LRRK1: variants seen among roughly 807,000 people sequenced by gnomAD.
The protein encoded by LRRK1 is leucine rich repeat kinase 1, also known as leucine-rich repeat serine/threonine-protein kinase 1.
A neutral mutation model predicts 209.1 loss-of-function variants in LRRK1; 113 were observed. The observed-to-expected ratio is 0.54, with a 90% CI of 0.46 to 0.63. The LOEUF is 0.63. Among genes scored for constraint, LRRK1 ranks in the 30% least tolerant of loss-of-function variants. LRRK1 has a pLI of 0.00. For missense variants in LRRK1, 2,284 were observed against 2,632.2 expected, an observed-to-expected ratio of 0.87 and a Z score of 2.89; for synonymous variants, 1,144 against 1,099.7, an observed-to-expected ratio of 1.04 and a Z score of -0.80.
chr15:101,066,255 G>T (rs1470007344), intron 32 of LRRK1, 50 bp downstream of exon 32: 1 of 1,553,476 alleles, frequency 6.4e-7, no homozygotes, highest in East Asian at 2.3e-5. Context: ...CACTGCTCCT[G>T]CTCTGGGGAC....
In LRRK1 at chr15:101,076,055, C is replaced by T. The variant is rs577057981; in HGVS notation, c.*7207C>T. On this transcript the variant is annotated 3_prime_UTR_variant, in exon 34 of 34. Coordinates refer to ENST00000388948, the MANE Select transcript of LRRK1 (RefSeq NM_024652.6). ...CCAAACCCCAACCCCTTCTACAAAA[C>T]AAGAACTCCTTTCCTTCCTAGGCAT... 6.6e-6 allele frequency: 1 copy of T among 152,184 alleles called. No individual in the cohort carries two copies. Among genetic ancestry groups the T allele is most frequent in the Non-Finnish European group, 1.5e-5 (1 of 68,046 alleles). 9.4% of individuals were successfully genotyped at this position (152,184 alleles called of 1,614,324 possible).
intron 2 of LRRK1, among the ~76,000 whole-genome samples, chr15:100,932,911 G>T (rs2042235982): frequency 6.6e-6 from 1 of 152,120 alleles, no homozygotes; most frequent in Admixed American, 6.5e-5. Context: ...GACTTTAAAT[G>T]ACATGTTCCC....
intron 2 of LRRK1, among the ~76,000 whole-genome samples, chr15:100,951,495 GA>G (rs970770282): frequency 2.6e-5 from 4 of 152,182 alleles, no homozygotes; most frequent in African/African-American, 9.6e-5. Flanking sequence ...GCACATAAGT[GA>G]TCACGGTAGC....
rs749469809 is a variant in LRRK1, at chr15:101,021,046, T to C, written c.1610-7T>C. The C allele has an allele frequency of 6.2e-7, 1 of 1,614,072 alleles. No individual in the cohort carries two copies. Among genetic ancestry groups the C allele is most frequent in the East Asian group, 2.2e-5 (1 of 44,882 alleles). On this transcript the variant is annotated splice_polypyrimidine_tract_variant and splice_region_variant and intron_variant, in intron 12 of 33. Transcript: ENST00000388948. ...TAAATGCAGTCTGCTTTGCCATGTC[T>C]TTGCAGCAAGTGTGCTGGAATTTCC...
At chr15:101,018,468 G>C (rs982374570) in intron 12 of LRRK1, among the ~76,000 whole-genome samples, 3 of 152,150 alleles carry the variant, frequency 2.0e-5, no homozygotes, top group Admixed American at 1.3e-4. Context: ...ACAGGAGCTA[G>C]TGTAGACCTC....
At chr15:101,006,644 A>ATTG (rs10655180) in intron 6 of LRRK1, among the ~76,000 whole-genome samples, 82,421 of 151,766 alleles carry the variant, frequency 0.54, 24,093 homozygotes, top group African/African-American at 0.78. Flanking sequence ...GAAAAATATT[A>ATTG]TTCTTCAGGG....
rs751385962 is a variant in LRRK1, at chr15:101,027,668, G to A, written c.2557G>A (p.Ala853Thr). ...IPRSYLSLQE[A>T]VLAEQQRRSR... is the part of the protein sequence containing the mutation. Reference sequence around the variant, plus strand: ...CAGGAGCTACCTGAGCCTGCAGGAGGCCGTGCTGGCAGAGCAGCAGCGCCG... The same window carrying A: ...CAGGAGCTACCTGAGCCTGCAGGAGACCGTGCTGGCAGAGCAGCAGCGCCG... The change falls in exon 19 of 34, where the codon GCC becomes ACC. Residue 853 changes from alanine to threonine, a missense_variant. Physicochemically the swap from Ala to Thr is moderately conservative, Grantham distance 58. This residue lies in a region of LRRK1 where 780 missense variants were observed against 985.2 expected (regional missense o/e 0.79). Transcript: ENST00000388948. This position sits in a 1 kb window ranked among gnomAD's most constrained non-coding sequence, Gnocchi z 5.1. 3 of 1,613,074 alleles carry A rather than the reference G, an allele frequency of 1.9e-6. No homozygotes were observed. The highest frequency in any genetic ancestry group is 3.3e-5 in the Admixed American group (2 of 59,926).
chr15:101,063,811 A>T (rs1169306481), intron 31 of LRRK1, among the ~76,000 whole-genome samples: 5 of 38,658 alleles, frequency 1.3e-4, no homozygotes, highest in Admixed American at 7.2e-4. Flanking sequence ...AGTTTCATTT[A>T]AAAAAAAAAA....
At chr15:101,020,737 C>T (rs1345535406) in intron 12 of LRRK1, among the ~76,000 whole-genome samples, 1 of 152,156 alleles carries the variant, frequency 6.6e-6, no homozygotes, top group Non-Finnish European at 1.5e-5. Context: ...ATATGTAGAC[C>T]TGCCCCATAC....
chr15:100,983,032 C>T (rs1902279), intron 3 of LRRK1, among the ~76,000 whole-genome samples: 40,842 of 151,868 alleles, frequency 0.27, 5,755 homozygotes, highest in East Asian at 0.5. Context: ...CAAAATTAGC[C>T]GGTGTGGTGG....
At chr15:101,006,531 C>T (rs1244551141) in intron 6 of LRRK1, among the ~76,000 whole-genome samples, 2 of 152,188 alleles carry the variant, frequency 1.3e-5, no homozygotes, top group African/African-American at 4.8e-5. Context: ...TTATAAACCA[C>T]ATTTCTGGGA....
At chr15:100,925,659 A>G (rs1249354196) in intron 2 of LRRK1, among the ~76,000 whole-genome samples, 1 of 152,230 alleles carries the variant, frequency 6.6e-6, no homozygotes, top group Non-Finnish European at 1.5e-5. Flanking sequence ...TCGTTTACAA[A>G]TATTTGTCAA....
At position 100,941,426 on chromosome 15, in the gene LRRK1, GTC is replaced by G. The variant is rs1567191058; in HGVS notation, c.97+16699_97+16700del. Among the ~76,000 whole-genome samples, 80 of 16,108 alleles carry G rather than the reference GTC, an allele frequency of 5.0e-3. 7 individuals carry two copies. The highest frequency in any genetic ancestry group is 0.012 in the African/African-American group (80 of 6,566). The allele number at this position is 16,108 out of a possible 152,430, so 10.6% of individuals were successfully genotyped here. On this transcript the variant is annotated intron_variant, in intron 2 of 33. Transcript: ENST00000388948. ...TGTGTGTGTCTCTGTGTGTGTGTGT[GTC>G]TGTGTGTGTGTGTGTGTCTGTGTGT...
chr15:100,947,382 A>G (rs1457896711), intron 2 of LRRK1, among the ~76,000 whole-genome samples: 2 of 152,262 alleles, frequency 1.3e-5, no homozygotes, highest in African/African-American at 4.8e-5. Flanking sequence ...AATGCAAATG[A>G]AAACCAATTA....
At chr15:101,067,471 G>A in intron 33 of LRRK1, 1 of 310,638 alleles carries the variant, frequency 3.2e-6, no homozygotes, top group Non-Finnish European at 6.6e-6. Context: ...GTGTACTTTG[G>A]AGCTCTTCCA....
Position 101,048,675 on chromosome 15 carries a change from C to A in LRRK1, c.3299+18C>A. The A allele has an allele frequency of 3.4e-6, 5 of 1,487,638 alleles. No homozygotes were observed. The highest frequency in any genetic ancestry group is 3.6e-6 in the Non-Finnish European group (4 of 1,124,244). The allele number at this position is 1,487,638 out of a possible 1,614,324, so 92.2% of individuals were successfully genotyped here. A position where few individuals can be genotyped will look rare whatever the true frequency, so the allele number is the denominator to read the frequency against. ...TACCTCAGGTAGGAACACCTGGAAG[C>A]CCACCTGCCAGGTCAGCAGGTGCCA... On this transcript the variant is annotated intron_variant, in intron 22 of 33. Transcript: ENST00000388948.
At chr15:100,960,648 C>T (rs1271664718) in intron 2 of LRRK1, among the ~76,000 whole-genome samples, 6 of 152,152 alleles carry the variant, frequency 3.9e-5, no homozygotes, top group Admixed American at 3.3e-4. Context: ...TGAAAGTAAA[C>T]TCTGGAAATA....
rs2036727572 is a variant in LRRK1 at position 101,069,928 on chromosome 15, T to C, written c.*1080T>C. On this transcript the variant is annotated 3_prime_UTR_variant, in exon 34 of 34. Transcript: ENST00000388948. ...CACACATGTGCAAACATAGCCACTT[T>C]TTTGTCAAGAGTTACCCTTTGGGGC... 3 of 152,256 alleles carry C rather than the reference T, an allele frequency of 2.0e-5. No individual in the cohort carries two copies. Among genetic ancestry groups the C allele is most frequent in the Admixed American group, 6.5e-5 (1 of 15,290 alleles). The allele number at this position is 152,256 out of a possible 1,614,324, so 9.4% of individuals were successfully genotyped here.
chr15:100,960,508 T>C (rs541354472), intron 2 of LRRK1, among the ~76,000 whole-genome samples: 2 of 152,264 alleles, frequency 1.3e-5, no homozygotes, highest in East Asian at 3.9e-4. Context: ...ACTGTCCTAT[T>C]TATGTGATTT....
Sources: allele counts gnomAD v4.1 joint callset (sites outside exome capture counted in the v4.1 genomes callset), GRCh38; gene constraint gnomAD v4.1.1; regional missense constraint gnomAD v4.1.1; non-coding constraint Gnocchi (gnomAD v3.1); transcripts MANE v1.5; gene names NCBI Gene and HGNC (gene_info 2026-07-23, HGNC 2026-07-21).